TSBP1: variants seen among roughly 807,000 people sequenced by gnomAD.
The protein encoded by TSBP1 is testis-expressed basic protein 1.
TSBP1 carries 56 observed loss-of-function variants against 68.8 expected under a neutral mutation model. The observed-to-expected ratio is 0.81, with a 90% CI of 0.66 to 1.02. TSBP1 has a LOEUF of 1.02. TSBP1 is among the 50% of genes least tolerant of loss of function. The pLI, the probability that TSBP1 is intolerant of heterozygous loss-of-function variation, is 0.00. For missense variants in TSBP1, 502 were observed against 641.2 expected (o/e 0.78, Z 2.34); for synonymous variants, 171 against 208.7 (o/e 0.82, Z 1.56).
intron 3 of TSBP1, among the ~76,000 whole-genome samples, chr6:32,368,254 A>T (rs948948691): frequency 6.6e-6 from 1 of 152,060 alleles, no homozygotes; most frequent in African/African-American, 2.4e-5. Context: ...GCCTCATACC[A>T]ATCCTGTGCT....
rs1770988338 is a variant in TSBP1, at chr6:32,346,289, ACAGGCGTG to A, written c.349+3443_349+3450del. On this transcript the variant is annotated intron_variant, in intron 9 of 22. Coordinates refer to ENST00000612031, the Ensembl canonical transcript of TSBP1. ...CTCGGCCTCCCAAAGTGCTGGGATT[ACAGGCGTG>A]AGCCACCGCGCCCGGCCGTCATATC... 1.4e-5 allele frequency among the ~76,000 whole-genome samples: 2 copies of A among 148,072 alleles called. 1 individual carries two copies.
chr6:32,313,516 A>G (rs982894993), intron 19 of TSBP1, among the ~76,000 whole-genome samples: 7 of 151,926 alleles, frequency 4.6e-5, no homozygotes, highest in African/African-American at 1.4e-4. Context: ...TCTTCTTCAG[A>G]TTGCTCTAGT....
chr6:32,364,993 A>G (rs1317944073), intron 6 of TSBP1, among the ~76,000 whole-genome samples: 1 of 151,864 alleles, frequency 6.6e-6, no homozygotes, highest in Non-Finnish European at 1.5e-5. Context: ...TCTTGGGCTC[A>G]AGCAATCCTC....
At chr6:32,294,113 G>A in intron 22 of TSBP1, 78 bp from the exon 26 acceptor site, 2 of 1,572,744 alleles carry the variant, frequency 1.3e-6, no homozygotes, top group South Asian at 1.1e-5. Context: ...CTTGATACTG[G>A]TTCCTTTTTT....
chr6:32,296,758 TA>T (rs1764769519), intron 22 of TSBP1, among the ~76,000 whole-genome samples: 1 of 152,218 alleles, frequency 6.6e-6, no homozygotes, highest in African/African-American at 2.4e-5. Context: ...CTACTGTGTG[TA>T]ATACTTCATG....
At chr6:32,330,345 T>G (rs1768822764) in intron 16 of TSBP1, among the ~76,000 whole-genome samples, 1 of 152,188 alleles carries the variant, frequency 6.6e-6, no homozygotes, top group Non-Finnish European at 1.5e-5. Context: ...TAGAAAATTC[T>G]TGTATATTGT....
At chr6:32,367,570 G>A (rs2143461) in intron 4 of TSBP1, among the ~76,000 whole-genome samples, 21,315 of 152,046 alleles carry the variant, frequency 0.14, 1,676 homozygotes, top group Non-Finnish European at 0.17. Context: ...CTCTTCTACT[G>A]TATGGCTTTC....
At chr6:32,330,044 G>A (rs1032316474) in intron 16 of TSBP1, among the ~76,000 whole-genome samples, 3 of 152,028 alleles carry the variant, frequency 2.0e-5, no homozygotes, top group Non-Finnish European at 4.4e-5. Context: ...GTGTGTGTGC[G>A]CGCGCGCACG....
At position 32,339,007 on chromosome 6, in the gene TSBP1, A is replaced by G; in HGVS notation, c.389-8T>C. 1 of 1,611,238 alleles carries G rather than the reference A, an allele frequency of 6.2e-7. No homozygotes were observed. The highest frequency in any genetic ancestry group is 8.5e-7 in the Non-Finnish European group (1 of 1,178,418). On this transcript the variant is annotated splice_region_variant and splice_polypyrimidine_tract_variant and intron_variant, in intron 10 of 22. Transcript: ENST00000612031. ...TGGCTCCTGCAGTTCTGGCTAAAATACAAACAAAAAAGGTGAGTTTGAAGA... is the reference window on the plus strand; with the variant it reads ...TGGCTCCTGCAGTTCTGGCTAAAATGCAAACAAAAAAGGTGAGTTTGAAGA...
rs1769848629 is a variant in TSBP1, at chr6:32,337,792, G to A, written c.410-1157C>T. Among the ~76,000 whole-genome samples, 1 of 152,048 alleles carries A rather than the reference G, an allele frequency of 6.6e-6. No individual in the cohort carries two copies. The highest frequency in any genetic ancestry group is 1.5e-5 in the Non-Finnish European group (1 of 68,018). On this transcript the variant is annotated intron_variant, in intron 11 of 22. Coordinates refer to ENST00000612031, the Ensembl canonical transcript of TSBP1. This position sits in a 1 kb window ranked among gnomAD's most constrained non-coding sequence, Gnocchi z 5.5. Reference sequence around the variant, plus strand: ...ATTACATGTATGAGCCACTGTGCTTGGCCTAATATGTGCTTTTATGATACC... The same window carrying A: ...ATTACATGTATGAGCCACTGTGCTTAGCCTAATATGTGCTTTTATGATACC...
intron 22 of TSBP1, among the ~76,000 whole-genome samples, chr6:32,299,165 A>G (rs921388006): frequency 3.3e-5 from 5 of 152,182 alleles, no homozygotes; most frequent in African/African-American, 4.8e-5. Flanking sequence ...CCTGACACCA[A>G]TGTTTACCAA....
In TSBP1 at chr6:32,365,711, C is replaced by T. The variant is rs763246661; in HGVS notation, c.217+456G>A. 4 of 432,132 alleles carry T rather than the reference C, an allele frequency of 9.3e-6. No individual in the cohort carries two copies. The highest frequency in any genetic ancestry group is 1.9e-5 in the Non-Finnish European group (4 of 214,646). The allele number at this position is 432,132 out of a possible 1,614,324, so 26.8% of individuals were successfully genotyped here. A position where few individuals can be genotyped will look rare whatever the true frequency, so the allele number is the denominator to read the frequency against. On this transcript the variant is annotated intron_variant, in intron 6 of 22. Transcript: ENST00000612031. This position sits in a 1 kb window ranked among gnomAD's most constrained non-coding sequence, Gnocchi z 4.3. The stretch of plus-strand genomic sequence containing the variant: ...TCTGTCTCAGCATTGAGTTGTGCCA[C>T]CTTGGGGGAGGAGTGATGTGGGTAA...
At chr6:32,371,670 C>T in intron 1 of TSBP1, 24 bp downstream of exon 1, 2 of 1,591,012 alleles carry the variant, frequency 1.3e-6, no homozygotes, top group Non-Finnish European at 1.7e-6. Flanking sequence ...TTGAGGAAGC[C>T]TCAAAGAGGG....
At chr6:32,296,260 A>G (rs1764715441) in intron 22 of TSBP1, among the ~76,000 whole-genome samples, 1 of 150,330 alleles carries the variant, frequency 6.7e-6, no homozygotes, top group Non-Finnish European at 1.5e-5. Flanking sequence ...ATCAATTATA[A>G]AAATGAGGCA....
chr6:32,342,429 C>T (rs866289698), intron 9 of TSBP1, among the ~76,000 whole-genome samples: 1 of 152,138 alleles, frequency 6.6e-6, no homozygotes, highest in East Asian at 1.9e-4. Flanking sequence ...GTCATGATTA[C>T]GGGCATGAGC....
At chr6:32,299,851 GA>G in intron 22 of TSBP1, 70 bp downstream of exon 25, 1 of 1,296,620 alleles carries the variant, frequency 7.7e-7, no homozygotes, top group Admixed American at 1.7e-5. Flanking sequence ...TTTGGGAGTA[GA>G]AACAGACAGG....
rs11753387 is a variant in TSBP1, at chr6:32,316,825, G to T, written c.560-1033C>A. ...TAGAAATGAGTAGGGTAGGCCAGGC[G>T]CCTTGGCTCACACCTGTAATCCCAG... is the stretch of plus-strand genomic sequence containing the variant. On this transcript the variant is annotated intron_variant, in intron 18 of 22. Coordinates refer to ENST00000612031, the Ensembl canonical transcript of TSBP1. This position sits in a 1 kb window ranked among gnomAD's most constrained non-coding sequence, Gnocchi z 4.5. 6.6e-3 allele frequency among the ~76,000 whole-genome samples: 1,003 copies of T among 152,184 alleles called. 5 individuals carry two copies. Among genetic ancestry groups the T allele is most frequent in the Middle Eastern group, 0.024 (7 of 294 alleles).
intron 6 of TSBP1, among the ~76,000 whole-genome samples, chr6:32,363,366 G>T: frequency 6.6e-6 from 1 of 151,926 alleles, no homozygotes; most frequent in Middle Eastern, 3.4e-3. Flanking sequence ...ATCCATTTAC[G>T]TTCAAGTAAT....
chr6:32,332,642 C>T (rs887920204), intron 14 of TSBP1, among the ~76,000 whole-genome samples: 10 of 152,106 alleles, frequency 6.6e-5, no homozygotes, highest in African/African-American at 2.4e-4. Context: ...TAAGGTCTCA[C>T]TCTGTCACCC....
Sources: allele counts gnomAD v4.1 joint callset (sites outside exome capture counted in the v4.1 genomes callset), GRCh38; gene constraint gnomAD v4.1.1; non-coding constraint Gnocchi (gnomAD v3.1); transcripts MANE v1.5; gene names NCBI Gene and HGNC (gene_info 2026-07-23, HGNC 2026-07-21).